Variants in NUSAP1 observed in about 807,000 individuals in gnomAD.
The protein encoded by NUSAP1 is nucleolar and spindle associated protein 1, also known as nucleolar and spindle-associated protein 1.
A neutral mutation model predicts 52.8 loss-of-function variants in NUSAP1; 32 were observed. The ratio of observed to expected loss-of-function variants is 0.61; its 90% confidence interval spans 0.46 to 0.81. NUSAP1 has a LOEUF of 0.81. Ranked by LOEUF, NUSAP1 falls within the 40% of genes least tolerant of loss-of-function variation. The probability of loss-of-function intolerance (pLI) is 0.00; values close to 1 mark genes in which losing one functional copy is unlikely to be tolerated. For missense variants in NUSAP1, 499 were observed against 522.3 expected (o/e 0.96, Z 0.43); for synonymous variants, 195 against 183.1 (o/e 1.06, Z -0.52).
At chr15:41,343,761 G>T (rs530745089) in intron 2 of NUSAP1, among the ~76,000 whole-genome samples, 8 of 151,954 alleles carry the variant, frequency 5.3e-5, no homozygotes, top group South Asian at 2.1e-4. Flanking sequence ...AAAGTGCTGG[G>T]ATTACAGGTG....
chr15:41,357,677 C>A (rs1231264097), intron 5 of NUSAP1, among the ~76,000 whole-genome samples: 1 of 152,104 alleles, frequency 6.6e-6, no homozygotes, highest in Non-Finnish European at 1.5e-5. Flanking sequence ...CTCCTGACCT[C>A]AGGTGATCTG....
intron 1 of NUSAP1, among the ~76,000 whole-genome samples, chr15:41,337,452 T>G (rs1046989390): frequency 2.6e-5 from 4 of 152,204 alleles, no homozygotes; most frequent in Non-Finnish European, 5.9e-5. Context: ...ATTCCTACAA[T>G]TAGAGCCTCT....
intron 10 of NUSAP1, among the ~76,000 whole-genome samples, chr15:41,378,238 T>C (rs528149827): frequency 5.3e-5 from 8 of 152,158 alleles, no homozygotes; most frequent in Admixed American, 2.6e-4. Flanking sequence ...GGCACCTACA[T>C]ATCCAGATAG....
intron 1 of NUSAP1, among the ~76,000 whole-genome samples, chr15:41,337,993 C>T (rs148973888): frequency 3.5e-4 from 49 of 138,586 alleles, no homozygotes; most frequent in Middle Eastern, 4.1e-3. Context: ...AGTGCAGTGG[C>T]GCAATCTCGG....
chr15:41,366,912 G>A (rs953755239), intron 7 of NUSAP1, among the ~76,000 whole-genome samples: 2 of 152,180 alleles, frequency 1.3e-5, no homozygotes, highest in Non-Finnish European at 2.9e-5. Context: ...AGGTCTTAGC[G>A]TGTCATTTAA....
At chr15:41,347,764 A>C (rs2048630107) in intron 2 of NUSAP1, among the ~76,000 whole-genome samples, 1 of 151,678 alleles carries the variant, frequency 6.6e-6, no homozygotes. Flanking sequence ...CAGTGAGCCA[A>C]GATCATGCCA....
rs1404009145 is a variant in NUSAP1, at chr15:41,371,696, A to C, written c.1006+12A>C. 2 of 1,579,074 alleles carry C rather than the reference A, an allele frequency of 1.3e-6. No homozygotes were observed. Among genetic ancestry groups the C allele is most frequent in the Non-Finnish European group, 1.7e-6 (2 of 1,170,504 alleles). ...GAATTCTGCTGCTGGTAAAAAAAAA[A>C]AAAAACAAAAGAAATCTGTTTCATT... On this transcript the variant is annotated intron_variant, in intron 8 of 10. Coordinates refer to ENST00000559596, the MANE Select transcript of NUSAP1 (RefSeq NM_016359.5).
At chr15:41,339,052 T>G (rs2048279484) in intron 1 of NUSAP1, among the ~76,000 whole-genome samples, 1 of 152,112 alleles carries the variant, frequency 6.6e-6, no homozygotes, top group African/African-American at 2.4e-5. Flanking sequence ...CTAAACTCTT[T>G]CCAGTGTAAT....
intron 1 of NUSAP1, among the ~76,000 whole-genome samples, chr15:41,340,464 TTTAA>T (rs1455053540): frequency 1.3e-5 from 2 of 152,292 alleles, no homozygotes; most frequent in African/African-American, 2.4e-5. Flanking sequence ...ACCTTGTCTG[TTTAA>T]TTAATCACTC....
chr15:41,343,441 A>G (rs1567043062), intron 2 of NUSAP1: 1 of 152,232 alleles, frequency 6.6e-6, no homozygotes. Flanking sequence ...TGCAACCTCC[A>G]TCTCCTGGGG....
Position 41,342,385 on chromosome 15 carries a change from G to C in NUSAP1, c.94-1G>C. The C allele has an allele frequency of 6.3e-7, 1 of 1,582,712 alleles. No individual in the cohort carries two copies. The highest frequency in any genetic ancestry group is 8.6e-7 in the Non-Finnish European group (1 of 1,161,322). ...CTCTAATAATAAGGTCTCTCTTGCAGGCAACCAAGTTGTTAAAAGCCTTGA... is the reference window on the plus strand; with the variant it reads ...CTCTAATAATAAGGTCTCTCTTGCACGCAACCAAGTTGTTAAAAGCCTTGA... On this transcript the variant is annotated splice_acceptor_variant, in intron 1 of 10. Transcript: ENST00000559596. LOFTEE classifies it high-confidence loss of function.
rs2048957635 is a variant in NUSAP1, at chr15:41,356,048, A to G, written c.458A>G (p.Asp153Gly). The change falls in exon 5 of 11, where the codon GAT becomes GGT. Residue 153 changes from aspartate (D) to glycine (G), a missense_variant. Transcript: ENST00000559596. ...AENAVSSGNR[D>G]SKVPSEGKKS... ...GTGTCTTTGGATTTAGGTAACAGAGATTCAAAGGTACCTTCAGAAGGAAAG... is the reference window on the plus strand; with the variant it reads ...GTGTCTTTGGATTTAGGTAACAGAGGTTCAAAGGTACCTTCAGAAGGAAAG... 1.9e-6 allele frequency: 3 copies of G among 1,595,528 alleles called. No individual in the cohort carries two copies. Among genetic ancestry groups the G allele is most frequent in the Non-Finnish European group, 2.6e-6 (3 of 1,166,476 alleles).
intron 10 of NUSAP1, among the ~76,000 whole-genome samples, chr15:41,378,944 G>GTTTTTTGTTTTT (rs2050092974): frequency 1.6e-5 from 1 of 63,270 alleles, no homozygotes; most frequent in Non-Finnish European, 2.7e-5. Flanking sequence ...ACTTATCTTG[G>GTTTTTTGTTTTT]TTTTTTTTTT....
At chr15:41,333,184 G>T in intron 1 of NUSAP1, 134 bp downstream of exon 1, 1 of 663,986 alleles carries the variant, frequency 1.5e-6, no homozygotes, top group Non-Finnish European at 2.6e-6. Flanking sequence ...AGTAGATGTG[G>T]TTCACGGTAG....
chr15:41,368,907 TTTTG>T (rs1448708906), intron 7 of NUSAP1, among the ~76,000 whole-genome samples: 2 of 151,742 alleles, frequency 1.3e-5, no homozygotes, highest in Non-Finnish European at 2.9e-5. Context: ...TAATTCTTTT[TTTTG>T]TTTGTTTGTT....
At chr15:41,346,126 A>G (rs1421880079) in intron 2 of NUSAP1, among the ~76,000 whole-genome samples, 1 of 151,146 alleles carries the variant, frequency 6.6e-6, no homozygotes, top group East Asian at 2.0e-4. Context: ...TTTTTAGTAG[A>G]GTGGAGGTTT....
chr15:41,341,785 G>T (rs138632060), intron 1 of NUSAP1, among the ~76,000 whole-genome samples: 2 of 152,306 alleles, frequency 1.3e-5, no homozygotes, highest in African/African-American at 4.8e-5. Flanking sequence ...GTCACCCACT[G>T]CCTTGCTGCA....
intron 10 of NUSAP1, among the ~76,000 whole-genome samples, chr15:41,378,516 T>C (rs2050065173): frequency 6.6e-6 from 1 of 152,170 alleles, no homozygotes. Context: ...CCAGGCAAGG[T>C]GGCTCACGCC....
intron 8 of NUSAP1, among the ~76,000 whole-genome samples, chr15:41,373,649 C>CGTATT (rs1170490615): frequency 6.6e-6 from 1 of 151,664 alleles, no homozygotes; most frequent in African/African-American, 2.4e-5. Flanking sequence ...AGGGTGTCAC[C>CGTATT]GTATTGGCCA....
Sources: gnomAD v4.1 joint callset for allele counts (sites outside exome capture counted in the v4.1 genomes callset) on GRCh38, gnomAD v4.1.1 for gene constraint, MANE v1.5 for transcripts, NCBI Gene and HGNC (gene_info 2026-07-23, HGNC 2026-07-21) for gene names.